Variants in MTMR10 observed in about 807,000 individuals in gnomAD.
MTMR10 encodes the protein myotubularin-related protein 10.
In MTMR10, 56 loss-of-function variants were observed where a neutral mutation model predicts 88.1. The observed-to-expected ratio is 0.64, with a 90% confidence interval of 0.51 to 0.79. The LOEUF is 0.79. MTMR10 is among the 30% of genes least tolerant of loss of function. The probability of loss-of-function intolerance (pLI) is 0.00; values close to 1 mark genes in which losing one functional copy is unlikely to be tolerated. For missense variants in MTMR10, 883 were observed against 924.7 expected (o/e 0.95, Z 0.58); for synonymous variants, 380 against 340.9 (o/e 1.11, Z -1.26).
intron 3 of MTMR10, 121 bp downstream of exon 3, chr15:30,976,698 C>T: frequency 9.0e-7 from 1 of 1,113,450 alleles, no homozygotes; most frequent in Non-Finnish European, 1.2e-6. Context: ...TAATTTATCC[C>T]AAACATTGCA....
At chr15:30,944,030 A>C (rs989251383) in intron 14 of MTMR10, 30 of 981,354 alleles carry the variant, frequency 3.1e-5, no homozygotes, top group South Asian at 4.7e-5. Flanking sequence ...CCAAAAAAAA[A>C]CCCCCAAGAA....
chr15:30,930,734 C>T, the MTMR10 span: 1 of 1,578,404 alleles, frequency 6.3e-7, no homozygotes, highest in African/African-American at 1.4e-5. Flanking sequence ...TCAGAGGCCA[C>T]AAGTAGGCAT....
chr15:30,984,284 C>G (rs1401431815), intron 2 of MTMR10, among the ~76,000 whole-genome samples: 1 of 152,142 alleles, frequency 6.6e-6, no homozygotes, highest in Non-Finnish European at 1.5e-5. Context: ...GGTACTGCAG[C>G]AAAAGCCTAA....
At position 30,941,299 on chromosome 15, in the gene MTMR10, A is replaced by AAAAT. The variant is rs1174060396; in HGVS notation, c.*167_*170dup. Reference sequence around the variant, plus strand: ...CAGGAACAAAATTTACATCTCTCTTAAAATAAGTGTGAAAGAAGCATGATT... The same window carrying AAAAT: ...CAGGAACAAAATTTACATCTCTCTTAAAATAAATAAGTGTGAAAGAAGCATGATT... On this transcript the variant is annotated 3_prime_UTR_variant, in exon 16 of 16. Coordinates refer to ENST00000435680, the MANE Select transcript of MTMR10 (RefSeq NM_017762.3). 2 of 1,518,574 alleles carry AAAAT rather than the reference A, an allele frequency of 1.3e-6. No homozygotes were observed. The highest frequency in any genetic ancestry group is 2.0e-5 in the Admixed American group (1 of 50,414). The allele number at this position is 1,518,574 out of a possible 1,614,324, so 94.1% of individuals were successfully genotyped here. A position where few individuals can be genotyped will look rare whatever the true frequency, so the allele number is the denominator to read the frequency against.
intron 5 of MTMR10, among the ~76,000 whole-genome samples, chr15:30,971,493 G>A (rs1020615976): frequency 6.6e-6 from 1 of 152,142 alleles, no homozygotes; most frequent in African/African-American, 2.4e-5. Context: ...AACAGTACCA[G>A]ATTCAAGTCA....
At chr15:30,925,884 G>A in the MTMR10 span, 63 of 1,614,104 alleles carry the variant, frequency 3.9e-5, no homozygotes, top group Non-Finnish European at 5.2e-5. Context: ...CCACGGTCCT[G>A]TGCTCTGTGG....
intron 3 of MTMR10, among the ~76,000 whole-genome samples, chr15:30,975,922 CA>C (rs2030101993): frequency 6.6e-6 from 1 of 151,878 alleles, no homozygotes; most frequent in African/African-American, 2.4e-5. Context: ...CAGAAAAGTC[CA>C]GGGTTTTTAA....
chr15:30,989,921 G>A (rs561411497), intron 2 of MTMR10, among the ~76,000 whole-genome samples: 1 of 152,136 alleles, frequency 6.6e-6, no homozygotes, highest in Non-Finnish European at 1.5e-5. Flanking sequence ...TAAGTATCTG[G>A]CTACTTCCCC....
chr15:30,966,194 T>C (rs1045452376), intron 6 of MTMR10, among the ~76,000 whole-genome samples: 1 of 152,190 alleles, frequency 6.6e-6, no homozygotes, highest in Non-Finnish European at 1.5e-5. Flanking sequence ...GTATTAATCA[T>C]CAAATTTTAT....
the MTMR10 span, chr15:30,928,392 G>T: frequency 1.1e-5 from 16 of 1,452,902 alleles, no homozygotes; most frequent in South Asian, 2.2e-4. Flanking sequence ...AATAAACTGG[G>T]AATGGCGTGA....
chr15:30,934,072 A>G (rs1397801416), downstream of MTMR10, among the ~76,000 whole-genome samples: 1 of 151,940 alleles, frequency 6.6e-6, no homozygotes, highest in Non-Finnish European at 1.5e-5. Flanking sequence ...TTCTATCACT[A>G]TTTGCTTCAT....
At chr15:30,925,215 G>C in the MTMR10 span, 33 of 1,614,052 alleles carry the variant, frequency 2.0e-5, no homozygotes, top group Non-Finnish European at 2.6e-5. Context: ...GTGCGCCTGC[G>C]AGAGTCTCCG....
intron 10 of MTMR10, among the ~76,000 whole-genome samples, chr15:30,954,157 C>T (rs1030740440): frequency 2.0e-5 from 3 of 152,156 alleles, no homozygotes; most frequent in African/African-American, 7.2e-5. Flanking sequence ...TTTTCAACAA[C>T]TTGCCCCTGC....
rs193263932 is a variant in MTMR10, at chr15:30,945,004, T to A, written c.1549-1932A>T. Among the ~76,000 whole-genome samples, 631 of 149,316 alleles carry A rather than the reference T, an allele frequency of 4.2e-3. 2 individuals are homozygous for A. Among genetic ancestry groups the A allele is most frequent in the African/African-American group, 0.015 (598 of 40,178 alleles). On this transcript the variant is annotated intron_variant, in intron 14 of 15. Transcript: ENST00000435680. ...TCCAGCCTGGGTGACAGAGCCAAAC[T>A]GTCTTAAAAAAAAAAAAAAAGATGT...
chr15:30,974,546 G>C, intron 4 of MTMR10, 90 bp from the exon 5 acceptor site: 2 of 1,196,018 alleles, frequency 1.7e-6, no homozygotes, highest in Non-Finnish European at 2.2e-6. Context: ...AAAATAATTG[G>C]AAGGTCACCC....
At chr15:30,943,499 A>T in intron 14 of MTMR10, 1 of 985,488 alleles carries the variant, frequency 1.0e-6, no homozygotes, top group Non-Finnish European at 1.2e-6. Flanking sequence ...GATGGAAATC[A>T]CTGCCACCAA....
At chr15:30,929,921 CATAT>C in the MTMR10 span, among the ~76,000 whole-genome samples, 9 of 87,328 alleles carry the variant, frequency 1.0e-4, 1 homozygote, top group East Asian at 7.6e-4. Flanking sequence ...TAATATATAT[CATAT>C]ATAATATATA....
chr15:30,924,469 G>C, the MTMR10 span, among the ~76,000 whole-genome samples: 4 of 152,238 alleles, frequency 2.6e-5, no homozygotes, highest in East Asian at 7.7e-4. Flanking sequence ...TGAGGTTTCT[G>C]GTTTCTCTAC....
At position 30,961,080 on chromosome 15, in the gene MTMR10, GA is replaced by G. The variant is rs1309341821; in HGVS notation, c.566-8del. On this transcript the variant is annotated splice_polypyrimidine_tract_variant and splice_region_variant and intron_variant, in intron 6 of 15. Transcript: ENST00000435680. ...ATTCCATTAATTTTGTTTGCTGTAG[GA>G]AAAAGCAACATTATGAATTTTAACA... 2 of 1,540,504 alleles carry G rather than the reference GA, an allele frequency of 1.3e-6. No individual in the cohort carries two copies. Among genetic ancestry groups the G allele is most frequent in the Non-Finnish European group, 1.8e-6 (2 of 1,142,670 alleles).
Sources: gnomAD v4.1 joint callset for allele counts (sites outside exome capture counted in the v4.1 genomes callset) on GRCh38, gnomAD v4.1.1 for gene constraint, MANE v1.5 for transcripts, NCBI Gene and HGNC (gene_info 2026-07-23, HGNC 2026-07-21) for gene names.